STX18: variants seen among roughly 807,000 people sequenced by gnomAD.
STX18 encodes the protein syntaxin 18, also known as syntaxin-18.
STX18 carries 40 observed loss-of-function variants against 50.1 expected under a neutral mutation model. The observed-to-expected ratio is 0.80, with a 90% confidence interval of 0.62 to 1.04. The LOEUF is 1.04. Among genes scored for constraint, STX18 ranks in the 50% least tolerant of loss-of-function variants. The pLI is 0.00. For missense variants in STX18, 410 were observed against 415.8 expected, an observed-to-expected ratio of 0.99 and a Z score of 0.12; for synonymous variants, 158 against 151.8, an observed-to-expected ratio of 1.04 and a Z score of -0.30.
chr4:4,479,161 G>A (rs1318693205), intron 1 of STX18, among the ~76,000 whole-genome samples: 1 of 152,058 alleles, frequency 6.6e-6, no homozygotes, highest in Non-Finnish European at 1.5e-5. Context: ...ATACTATACG[G>A]CAGGCACCAA....
In STX18 at chr4:4,457,171, C is replaced by T. The variant is rs780022085; in HGVS notation, c.497+20G>A. 1.9e-6 allele frequency: 3 copies of T among 1,604,476 alleles called. No individual in the cohort carries two copies. Among genetic ancestry groups the T allele is most frequent in the South Asian group, 1.1e-5 (1 of 90,828 alleles). Reference sequence around the variant, plus strand: ...TAGTACTATTATTAATTAAGAAACACCAATGAAAGCAATACTTACAATCTT... The same window carrying T: ...TAGTACTATTATTAATTAAGAAACATCAATGAAAGCAATACTTACAATCTT... On this transcript the variant is annotated intron_variant, in intron 5 of 10. Transcript: ENST00000306200.
intron 6 of STX18, chr4:4,437,535 A>T: frequency 1.1e-6 from 1 of 891,422 alleles, no homozygotes; most frequent in Non-Finnish European, 1.3e-6. Context: ...CCCTAAATCC[A>T]AAACACTTCT....
At chr4:4,489,257 G>GC (rs1355079594) in intron 1 of STX18, among the ~76,000 whole-genome samples, 1 of 151,968 alleles carries the variant, frequency 6.6e-6, no homozygotes, top group Non-Finnish European at 1.5e-5. Flanking sequence ...CCAGGGTCTT[G>GC]CTTCATCATT....
At chr4:4,529,138 C>T (rs747567919) in intron 1 of STX18, among the ~76,000 whole-genome samples, 7 of 152,042 alleles carry the variant, frequency 4.6e-5, no homozygotes, top group African/African-American at 1.4e-4. Context: ...CTGAGACGGG[C>T]GGATCACGAG....
chr4:4,467,206 C>T (rs1032020852), intron 2 of STX18, among the ~76,000 whole-genome samples: 16 of 152,144 alleles, frequency 1.1e-4, no homozygotes, highest in African/African-American at 3.6e-4. Flanking sequence ...TTTCTAATCT[C>T]GTGGCTAATT....
At chr4:4,427,006 C>CCT (rs1416249499) in intron 7 of STX18, among the ~76,000 whole-genome samples, 1 of 152,214 alleles carries the variant, frequency 6.6e-6, no homozygotes, top group African/African-American at 2.4e-5. Context: ...GAATCACCTT[C>CCT]TCTTACTTTC....
At chr4:4,454,627 C>G (rs1726969521) in intron 5 of STX18, among the ~76,000 whole-genome samples, 1 of 152,196 alleles carries the variant, frequency 6.6e-6, no homozygotes, top group African/African-American at 2.4e-5. Context: ...ATCTTCAGTT[C>G]AAACTCTTCC....
intron 1 of STX18, among the ~76,000 whole-genome samples, chr4:4,510,559 T>G (rs905652407): frequency 6.6e-6 from 1 of 152,088 alleles, no homozygotes; most frequent in Non-Finnish European, 1.5e-5. Flanking sequence ...TTGGTGGGAG[T>G]GTAAATTAGT....
intron 1 of STX18, among the ~76,000 whole-genome samples, chr4:4,540,122 T>C (rs983222535): frequency 1.3e-5 from 2 of 152,102 alleles, no homozygotes; most frequent in African/African-American, 2.4e-5. Flanking sequence ...TTGTTACATA[T>C]AGAGGACCAA....
chr4:4,459,060 A>G (rs1013797516), intron 3 of STX18, among the ~76,000 whole-genome samples: 3 of 139,528 alleles, frequency 2.2e-5, no homozygotes, highest in South Asian at 4.5e-4. Context: ...ACACACACAC[A>G]CGCACACACA....
intron 1 of STX18, among the ~76,000 whole-genome samples, chr4:4,502,990 G>A (rs890745174): frequency 1.3e-5 from 2 of 152,134 alleles, no homozygotes; most frequent in Admixed American, 6.5e-5. Context: ...AGCTGAGAAC[G>A]TGAATGACTC....
At chr4:4,526,238 G>A (rs1730747928) in intron 1 of STX18, among the ~76,000 whole-genome samples, 1 of 152,182 alleles carries the variant, frequency 6.6e-6, no homozygotes, top group African/African-American at 2.4e-5. Context: ...CAAGATGGTA[G>A]GAGTCTGAAC....
intron 1 of STX18, among the ~76,000 whole-genome samples, chr4:4,531,609 G>A (rs556263071): frequency 3.2e-4 from 48 of 152,224 alleles, no homozygotes; most frequent in African/African-American, 1.0e-3. Context: ...TTGTTACGCT[G>A]GTTTCCTTAC....
At chr4:4,443,127 A>T (rs574087113) in intron 5 of STX18, among the ~76,000 whole-genome samples, 1 of 152,362 alleles carries the variant, frequency 6.6e-6, no homozygotes, top group Non-Finnish European at 1.5e-5. Flanking sequence ...AATATCCTGC[A>T]AATTAACATG....
chr4:4,429,792 G>C (rs1725433297), intron 7 of STX18, among the ~76,000 whole-genome samples: 1 of 152,156 alleles, frequency 6.6e-6, no homozygotes, highest in South Asian at 2.1e-4. Flanking sequence ...ACCAATCCTT[G>C]TTCTAGATGC....
intron 1 of STX18, among the ~76,000 whole-genome samples, chr4:4,523,072 G>A (rs552063013): frequency 4.4e-4 from 67 of 152,304 alleles, no homozygotes; most frequent in African/African-American, 1.6e-3. Flanking sequence ...CCATTACATA[G>A]ATGAGGAAAT....
At chr4:4,474,316 T>G (rs151107547) in intron 1 of STX18, among the ~76,000 whole-genome samples, 2,058 of 139,262 alleles carry the variant, frequency 0.015, 16 homozygotes, top group Non-Finnish European at 0.019. Context: ...GTCCTCTCTC[T>G]TTCCCCAGAG....
chr4:4,469,742 C>T (rs1211072328), intron 2 of STX18, among the ~76,000 whole-genome samples: 3 of 152,098 alleles, frequency 2.0e-5, no homozygotes, highest in Admixed American at 6.5e-5. Flanking sequence ...TATTTTTGGT[C>T]GTCTGGCTTT....
chr4:4,473,637 C>G (rs78716339), intron 1 of STX18, among the ~76,000 whole-genome samples: 2 of 152,002 alleles, frequency 1.3e-5, no homozygotes, highest in Non-Finnish European at 2.9e-5. Context: ...TTAAGAGATA[C>G]GCAAGCAAGG....
Sources: gnomAD v4.1 joint callset for allele counts (sites outside exome capture counted in the v4.1 genomes callset) on GRCh38, gnomAD v4.1.1 for gene constraint, MANE v1.5 for transcripts, NCBI Gene and HGNC (gene_info 2026-07-23, HGNC 2026-07-21) for gene names.